ANKRD27: variants seen among roughly 807,000 people sequenced by gnomAD.
The protein encoded by ANKRD27 is ankyrin repeat domain 27.
In ANKRD27, 112 loss-of-function variants were observed where a neutral mutation model predicts 129.7. That is an observed-to-expected ratio of 0.86 (90% confidence interval 0.74 to 1.01). The LOEUF is 1.01. Ranked by LOEUF, ANKRD27 falls within the 50% of genes least tolerant of loss-of-function variation. The pLI is 0.00. For missense variants in ANKRD27, 1,258 were observed against 1,300.5 expected (o/e 0.97, Z 0.50); for synonymous variants, 516 against 511.2 (o/e 1.01, Z -0.13).
rs1420998783 is a variant in ANKRD27 at position 32,657,477 on chromosome 19, AT to A, written c.102+1436del. On this transcript the variant is annotated intron_variant, in intron 2 of 28. Transcript: ENST00000306065. ...GCTCTGTCTCAAAAAAAAAAAAAAAATTAGCCAGGCATGGTGGTTTGTGCCT... is the reference window on the plus strand; with the variant it reads ...GCTCTGTCTCAAAAAAAAAAAAAAAATAGCCAGGCATGGTGGTTTGTGCCT... Among the ~76,000 whole-genome samples the A allele has an allele frequency of 1.0e-4, 15 of 149,942 alleles. No homozygotes were observed. In the East Asian group the frequency reaches 2.8e-3, roughly 28 times the overall value.
intron 2 of ANKRD27, among the ~76,000 whole-genome samples, chr19:32,650,420 C>T (rs1398848508): frequency 2.0e-5 from 3 of 152,112 alleles, no homozygotes; most frequent in Admixed American, 6.5e-5. Flanking sequence ...GGGGTGGTGG[C>T]GCACGCCTGT....
intron 26 of ANKRD27, among the ~76,000 whole-genome samples, chr19:32,600,483 G>A (rs1171345109): frequency 6.6e-6 from 1 of 152,134 alleles, no homozygotes; most frequent in Non-Finnish European, 1.5e-5. Flanking sequence ...AGAGGTTGCA[G>A]TGAGCCGAGA....
rs1967259939 is a variant in ANKRD27, at chr19:32,644,320, C to T, written c.525+5G>A. The T allele has an allele frequency of 4.3e-6, 7 of 1,611,146 alleles. No homozygotes were observed. The highest frequency in any genetic ancestry group is 5.9e-6 in the Non-Finnish European group (7 of 1,178,604). The stretch of plus-strand genomic sequence containing the variant: ...CGCCAGGCAGAGGACAGCACGGCTA[C>T]TGACTATGTGGTGACGGAGGCTCTT... On this transcript the variant is annotated splice_donor_5th_base_variant and intron_variant, in intron 5 of 28. Transcript: ENST00000306065.
Position 32,605,904 on chromosome 19 carries a change from G to A in ANKRD27, c.2424C>T (p.Leu808=). 1 of 1,614,082 alleles carries A rather than the reference G, an allele frequency of 6.2e-7. No individual in the cohort carries two copies. Among genetic ancestry groups the A allele is most frequent in the Non-Finnish European group, 8.5e-7 (1 of 1,180,006 alleles). The part of the protein sequence containing the change: ...DSNAKPNKKD[L]SGNTPLIYAC... ...CGTAAATGAGGGGCGTGTTTCCACT[G>A]AGGTCCTTCTTATTGGGTTTTGCAT... is the stretch of plus-strand genomic sequence containing the variant. The change falls in exon 24 of 29, where the codon CTC becomes CTT. Residue 808 remains leucine, a synonymous_variant. Transcript: ENST00000306065.
At chr19:32,598,426 A>T (rs766731146) in intron 28 of ANKRD27, 48 bp from the exon 29 acceptor site, 52 of 1,574,104 alleles carry the variant, frequency 3.3e-5, no homozygotes, top group Non-Finnish European at 4.3e-5. Flanking sequence ...ACTGTACTGG[A>T]AGCCACAACC....
At chr19:32,604,651 A>G (rs8109885) in intron 24 of ANKRD27, among the ~76,000 whole-genome samples, 29,211 of 152,156 alleles carry the variant, frequency 0.19, 3,509 homozygotes, top group East Asian at 0.33. Context: ...ACTTAAATGT[A>G]CAGAGCAGAA....
intron 1 of ANKRD27, among the ~76,000 whole-genome samples, chr19:32,664,279 A>G (rs1967704303): frequency 6.6e-6 from 1 of 151,766 alleles, no homozygotes; most frequent in African/African-American, 2.4e-5. Flanking sequence ...TCAGCCTCCC[A>G]AGTAGCTGGG....
chr19:32,617,829 A>T (rs1006214250), intron 20 of ANKRD27, among the ~76,000 whole-genome samples, 196 bp from the exon 21 acceptor site: 1 of 148,800 alleles, frequency 6.7e-6, no homozygotes, highest in Non-Finnish European at 1.5e-5. Context: ...ATCTCGGCTC[A>T]CCGCAACCTC....
intron 28 of ANKRD27, 64 bp from the exon 29 acceptor site, chr19:32,598,442 A>T (rs999374236): frequency 1.3e-6 from 2 of 1,498,742 alleles, no homozygotes; most frequent in Admixed American, 3.4e-5. Context: ...CAACCATGAC[A>T]GTGACAGCTG....
intron 28 of ANKRD27, 75 bp from the exon 29 acceptor site, chr19:32,598,453 C>A: frequency 7.5e-7 from 1 of 1,339,582 alleles, no homozygotes; most frequent in Non-Finnish European, 1.1e-6. Flanking sequence ...GTGACAGCTG[C>A]CCCTTAGTGC....
chr19:32,640,662 G>C (rs1967182169), intron 10 of ANKRD27, among the ~76,000 whole-genome samples: 1 of 152,186 alleles, frequency 6.6e-6, no homozygotes, highest in African/African-American at 2.4e-5. Flanking sequence ...AGTGCTTTGG[G>C]AGGCCGAGAC....
chr19:32,642,069 AG>A lies in ANKRD27; in HGVS notation c.858del (p.Leu287CysfsTer16). 1 of 1,611,172 alleles carries A rather than the reference AG, an allele frequency of 6.2e-7. No individual in the cohort carries two copies. Among genetic ancestry groups the A allele is most frequent in the Non-Finnish European group, 8.5e-7 (1 of 1,177,950 alleles). ...KCTSPQQKLVCLRKVVQLITQ... is the reference protein window; with the variant it reads ...KCTSPQQKLVXLRKVVQLITQ... ...GTAATGAGCTGCACCACTTTTCGCAAGCAGACAAGCTTCTGCTGTGGGGAGG... is the reference window on the plus strand; with the variant it reads ...GTAATGAGCTGCACCACTTTTCGCAACAGACAAGCTTCTGCTGTGGGGAGG... On this transcript the variant is annotated frameshift_variant, in exon 10 of 29. Coordinates refer to ENST00000306065, the MANE Select transcript of ANKRD27 (RefSeq NM_032139.3). LOFTEE classifies it high-confidence loss of function.
At position 32,628,107 on chromosome 19, in the gene ANKRD27, G is replaced by A. The variant is rs374970383; in HGVS notation, c.1396C>T (p.Pro466Ser). The A allele has an allele frequency of 1.4e-5, 22 of 1,614,118 alleles. No individual in the cohort carries two copies. Among genetic ancestry groups the A allele is most frequent in the South Asian group, 2.2e-5 (2 of 91,096 alleles). The change falls in exon 15 of 29, where the codon CCT (proline) becomes TCT (serine). Residue 466 changes from proline (P) to serine (S), a missense_variant. Pro to Ser is a moderately conservative substitution (Grantham distance 74). Transcript: ENST00000306065. ...PFSRDDRGHTPLHVAAVCGQA... is the reference protein window; with the variant it reads ...PFSRDDRGHTSLHVAAVCGQA... ...CCACAGACAGCAGCCACATGGAGAG[G>A]GGTGTGCCCCCTGTCGTCTCTGGAG...
chr19:32,661,223 AC>A (rs1353882821), intron 1 of ANKRD27, among the ~76,000 whole-genome samples: 1 of 27,982 alleles, frequency 3.6e-5, no homozygotes, highest in Admixed American at 4.2e-4. Flanking sequence ...AAAATTATAC[AC>A]ACACACACAC....
chr19:32,633,958 G>A (rs1259976246), intron 12 of ANKRD27, among the ~76,000 whole-genome samples: 1 of 152,052 alleles, frequency 6.6e-6, no homozygotes, highest in Non-Finnish European at 1.5e-5. Flanking sequence ...TTGAGCGCAG[G>A]AGTTGGAGGC....
intron 4 of ANKRD27, among the ~76,000 whole-genome samples, chr19:32,645,300 T>C (rs1214467777): frequency 2.0e-5 from 3 of 151,912 alleles, no homozygotes; most frequent in African/African-American, 7.2e-5. Flanking sequence ...TAATCCCCGC[T>C]ACTCAGGAGG....
rs542247074 is a variant in ANKRD27 at position 32,635,551 on chromosome 19, C to T, written c.1116+3805G>A. ...AACTCCTGGCCTCGGGTGATCCACCCGCCTCAGCCTCCCAGAGTGCTGGGA... is the reference window on the plus strand; with the variant it reads ...AACTCCTGGCCTCGGGTGATCCACCTGCCTCAGCCTCCCAGAGTGCTGGGA... On this transcript the variant is annotated intron_variant, in intron 12 of 28. Coordinates refer to ENST00000306065, the MANE Select transcript of ANKRD27 (RefSeq NM_032139.3). Among the ~76,000 whole-genome samples the T allele has an allele frequency of 6.6e-5, 10 of 152,256 alleles. No individual in the cohort carries two copies. The East Asian group carries it at 1.5e-3, about 24-fold the overall frequency.
Position 32,625,863 on chromosome 19 carries a change from G to A in ANKRD27, c.1629+11C>T, listed in dbSNP as rs1362712686. The A allele has an allele frequency of 3.2e-6, 5 of 1,575,010 alleles. No homozygotes were observed. Among genetic ancestry groups the A allele is most frequent in the Middle Eastern group, 1.7e-4 (1 of 5,912 alleles). ...GAACGCAGCCCCCCCGGAACAGCAA[G>A]AGCCACTCACGTCCTCGTGGCCGTA... On this transcript the variant is annotated intron_variant, in intron 17 of 28. Transcript: ENST00000306065.
intron 17 of ANKRD27, among the ~76,000 whole-genome samples, chr19:32,623,186 C>T (rs1280627117): frequency 2.6e-5 from 4 of 152,180 alleles, no homozygotes; most frequent in African/African-American, 9.6e-5. Context: ...AGAGTTACTA[C>T]AGCAGGCCTG....
Sources: gnomAD v4.1 joint callset for allele counts (sites outside exome capture counted in the v4.1 genomes callset) on GRCh38, gnomAD v4.1.1 for gene constraint, MANE v1.5 for transcripts, NCBI Gene and HGNC (gene_info 2026-07-23, HGNC 2026-07-21) for gene names.